STAU2: variants seen among roughly 807,000 people sequenced by gnomAD.
The protein encoded by STAU2 is double-stranded RNA-binding protein Staufen homolog 2.
STAU2 carries 20 observed loss-of-function variants against 65.9 expected under a neutral mutation model. That is an observed-to-expected ratio of 0.30 (90% CI 0.21 to 0.44). The LOEUF is 0.44. Among genes scored for constraint, STAU2 ranks in the 20% least tolerant of loss-of-function variants. STAU2 has a pLI of 1.00. For missense variants in STAU2, 558 were observed against 683.9 expected (o/e 0.82, Z 2.05); for synonymous variants, 232 against 233.9 (o/e 0.99, Z 0.07).
At chr8:73,546,592 CCT>C (rs1806956909) in intron 13 of STAU2, among the ~76,000 whole-genome samples, 1 of 152,144 alleles carries the variant, frequency 6.6e-6, no homozygotes, top group South Asian at 2.1e-4. Flanking sequence ...AATGCATGCC[CCT>C]GTTATGTCAG....
chr8:73,543,494 T>C (rs1316953327), intron 13 of STAU2, among the ~76,000 whole-genome samples: 1 of 152,228 alleles, frequency 6.6e-6, no homozygotes, highest in Non-Finnish European at 1.5e-5. Context: ...GTTTATATTT[T>C]GCATAATCAT....
intron 13 of STAU2, among the ~76,000 whole-genome samples, chr8:73,445,772 T>C (rs1340664807): frequency 1.3e-5 from 2 of 152,182 alleles, no homozygotes; most frequent in Non-Finnish European, 2.9e-5. Flanking sequence ...CACTGGCTAC[T>C]AAGACCATAT....
At chr8:73,581,361 T>C (rs1338071958) in intron 12 of STAU2, among the ~76,000 whole-genome samples, 1 of 152,220 alleles carries the variant, frequency 6.6e-6, no homozygotes, top group Non-Finnish European at 1.5e-5. Flanking sequence ...GGTCACCATA[T>C]GTATGCACAA....
intron 5 of STAU2, among the ~76,000 whole-genome samples, chr8:73,684,298 A>G (rs1179850132): frequency 6.6e-6 from 1 of 152,176 alleles, no homozygotes; most frequent in Non-Finnish European, 1.5e-5. Context: ...ACCCAGAAAT[A>G]AAGCCCAATA....
chr8:73,577,152 G>A (rs887107329), intron 12 of STAU2, among the ~76,000 whole-genome samples: 3 of 152,066 alleles, frequency 2.0e-5, no homozygotes, highest in African/African-American at 7.2e-5. Flanking sequence ...TTTATGGCCG[G>A]GTACACTGGC....
chr8:73,480,870 A>G (rs1043358341), intron 13 of STAU2, among the ~76,000 whole-genome samples: 1 of 152,168 alleles, frequency 6.6e-6, no homozygotes, highest in African/African-American at 2.4e-5. Flanking sequence ...CACTCAGAGA[A>G]GGAAGAAATT....
intron 13 of STAU2, among the ~76,000 whole-genome samples, chr8:73,544,424 GT>G (rs1435776055): frequency 7.2e-5 from 11 of 152,118 alleles, no homozygotes; most frequent in Admixed American, 4.6e-4. Flanking sequence ...TAAGTCAGTG[GT>G]CTTTGTCTAA....
Position 73,421,078 on chromosome 8 carries a change from C to G in STAU2, c.*294G>C, listed in dbSNP as rs72659432. On this transcript the variant is annotated 3_prime_UTR_variant, in exon 15 of 15. Coordinates refer to ENST00000524300, the MANE Select transcript of STAU2 (RefSeq NM_001164380.2). ...TCATGTTAAAATTTTAGCTTTGTTT[C>G]TAACACTTTTCTTTACTTGTTATTT... 12 of 292,116 alleles carry G rather than the reference C, an allele frequency of 4.1e-5. No individual in the cohort carries two copies. Among genetic ancestry groups the G allele is most frequent in the African/African-American group, 2.6e-4 (12 of 46,194 alleles). The allele number at this position is 292,116 out of a possible 1,614,324, so 18.1% of individuals were successfully genotyped here.
At chr8:73,551,029 A>G in intron 13 of STAU2, 1 of 986,608 alleles carries the variant, frequency 1.0e-6, no homozygotes, top group Non-Finnish European at 1.2e-6. Context: ...AAAGACTAAG[A>G]TGGAAAAGGA....
chr8:73,610,351 A>G (rs1812360260), intron 9 of STAU2, among the ~76,000 whole-genome samples: 1 of 152,044 alleles, frequency 6.6e-6, no homozygotes, highest in Admixed American at 6.6e-5. Flanking sequence ...AGCCTGGCCA[A>G]CACAGTGAAA....
chr8:73,577,483 T>C (rs7016366), intron 12 of STAU2, among the ~76,000 whole-genome samples: 47,375 of 150,274 alleles, frequency 0.32, 9,212 homozygotes, highest in African/African-American at 0.55. Flanking sequence ...AATATTTATG[T>C]TTAAATGCAG....
upstream of STAU2, chr8:73,747,431 G>C: frequency 2.0e-6 from 3 of 1,534,800 alleles, no homozygotes; most frequent in East Asian, 2.5e-5. Context: ...TGCAGGGGAC[G>C]CGCGACCATC....
chr8:73,711,356 A>C (rs1820888806), intron 3 of STAU2, among the ~76,000 whole-genome samples: 2 of 152,124 alleles, frequency 1.3e-5, no homozygotes, highest in South Asian at 4.1e-4. Context: ...ATACCATTGC[A>C]TGAATTCAAG....
At chr8:73,561,466 T>C in intron 12 of STAU2, 1 of 450,128 alleles carries the variant, frequency 2.2e-6, no homozygotes, top group Non-Finnish European at 4.4e-6. Flanking sequence ...GGGGTTAAAA[T>C]GTTGCTCGTA....
At chr8:73,667,974 T>C (rs1489924022) in intron 6 of STAU2, among the ~76,000 whole-genome samples, 1 of 152,196 alleles carries the variant, frequency 6.6e-6, no homozygotes, top group Non-Finnish European at 1.5e-5. Flanking sequence ...ATAAAATAAT[T>C]GTACCCTGCG....
chr8:73,604,503 T>C (rs1310707656), intron 9 of STAU2, among the ~76,000 whole-genome samples: 2 of 152,136 alleles, frequency 1.3e-5, no homozygotes, highest in Non-Finnish European at 2.9e-5. Flanking sequence ...AGTGCTGGGA[T>C]TACAGGTGTG....
intron 3 of STAU2, among the ~76,000 whole-genome samples, chr8:73,736,506 A>G (rs908685668): frequency 1.3e-5 from 2 of 152,204 alleles, no homozygotes; most frequent in Admixed American, 1.3e-4. Flanking sequence ...GTGCTATAAC[A>G]GCATATAGCA....
At chr8:73,442,630 T>C (rs565610504) in intron 13 of STAU2, among the ~76,000 whole-genome samples, 1 of 152,202 alleles carries the variant, frequency 6.6e-6, no homozygotes. Flanking sequence ...AAATTGTTTC[T>C]AGAAACTGCT....
intron 3 of STAU2, among the ~76,000 whole-genome samples, chr8:73,729,123 C>A (rs10093884): frequency 0.072 from 11,017 of 152,208 alleles, 434 homozygotes; most frequent in Middle Eastern, 0.14. Flanking sequence ...GATTTTGAGC[C>A]TTTCTATCAA....
Sources: gnomAD v4.1 joint callset for allele counts (sites outside exome capture counted in the v4.1 genomes callset) on GRCh38, gnomAD v4.1.1 for gene constraint, MANE v1.5 for transcripts, NCBI Gene and HGNC (gene_info 2026-07-23, HGNC 2026-07-21) for gene names.